Variants in POLR1C observed in about 807,000 individuals in gnomAD.
POLR1C encodes RNA polymerase I and III subunit C, also known as DNA-directed RNA polymerases I and III subunit RPAC1.
Under a neutral mutation model 38.3 loss-of-function variants are expected in POLR1C, and 42 were observed. That is an observed-to-expected ratio of 1.10 (90% CI 0.86 to 1.42). The LOEUF is 1.42. Ranked by LOEUF, POLR1C falls within the 40% of genes most tolerant of loss-of-function variation. The pLI, the probability that POLR1C is intolerant of heterozygous loss-of-function variation, is 0.00. For synonymous variants in POLR1C, 163 were observed against 163.9 expected, an observed-to-expected ratio of 0.99 and a Z score of 0.04; for missense variants, 507 against 450.5, an observed-to-expected ratio of 1.13 and a Z score of -1.14.
At chr6:43,546,061 A>C (rs1425671503) in intron 9 of POLR1C, among the ~76,000 whole-genome samples, 1 of 152,196 alleles carries the variant, frequency 6.6e-6, no homozygotes, top group African/African-American at 2.4e-5. Context: ...CAGCTTTGAG[A>C]ACCAAGGATC....
intron 9 of POLR1C, among the ~76,000 whole-genome samples, chr6:43,545,383 T>C (rs1402562866): frequency 6.6e-6 from 1 of 152,098 alleles, no homozygotes; most frequent in Non-Finnish European, 1.5e-5. Flanking sequence ...CAAAAAGTAC[T>C]GAAACAGAGC....
downstream of POLR1C, chr6:43,525,822 C>T: frequency 8.1e-6 from 13 of 1,613,654 alleles, no homozygotes; most frequent in Non-Finnish European, 1.1e-5. Flanking sequence ...AAGGTATCAC[C>T]TGCTCCTTCT....
At position 43,521,500 on chromosome 6, in the gene POLR1C, C is replaced by G; in HGVS notation, c.*200C>G. 3 of 1,353,562 alleles carry G rather than the reference C, an allele frequency of 2.2e-6. No homozygotes were observed. Among genetic ancestry groups the G allele is most frequent in the Non-Finnish European group, 2.9e-6 (3 of 1,049,150 alleles). The allele number at this position is 1,353,562 out of a possible 1,614,324, so 83.8% of individuals were successfully genotyped here. ...AAGGCCTTAGATGTAAATAAACTCA[C>G]CCAAACAAAAAAACTTTTTGAGACT... On this transcript the variant is annotated 3_prime_UTR_variant, in exon 9 of 9. Transcript: ENST00000642195.
chr6:43,531,172 A>G (rs1345419196), downstream of POLR1C, among the ~76,000 whole-genome samples: 1 of 152,218 alleles, frequency 6.6e-6, no homozygotes, highest in Admixed American at 6.5e-5. Flanking sequence ...GTATGCCGCA[A>G]GCAGTGTAGG....
At chr6:43,539,362 C>G in intron 9 of POLR1C, 1 of 1,580,672 alleles carries the variant, frequency 6.3e-7, no homozygotes, top group Admixed American at 1.7e-5. Context: ...CACGGGTCTG[C>G]TTCTGCACTG....
At chr6:43,539,313 C>T (rs1432994922) in intron 9 of POLR1C, 30 of 1,565,506 alleles carry the variant, frequency 1.9e-5, no homozygotes, top group East Asian at 2.2e-5. Context: ...CTGTAGTCCC[C>T]GATAGCAACA....
At chr6:43,518,419 G>A (rs955240746) in intron 2 of POLR1C, among the ~76,000 whole-genome samples, 1 of 152,180 alleles carries the variant, frequency 6.6e-6, no homozygotes, top group Non-Finnish European at 1.5e-5. Context: ...ATGGGTCTGG[G>A]GAACGGGAAT....
intron 2 of POLR1C, 136 bp downstream of exon 2, chr6:43,517,513 C>T (rs1403361875): frequency 6.8e-6 from 5 of 739,034 alleles, no homozygotes; most frequent in South Asian, 1.5e-5. Flanking sequence ...CTAGACGCTC[C>T]GTTTACAGGC....
chr6:43,525,753 C>A, downstream of POLR1C: 1 of 1,408,454 alleles, frequency 7.1e-7, no homozygotes, highest in Non-Finnish European at 9.6e-7. Context: ...ACAAAAAACT[C>A]TTGATAGCAC....
chr6:43,527,188 C>G (rs997559470), intron 8 of POLR1C: 3 of 209,658 alleles, frequency 1.4e-5, no homozygotes, highest in Non-Finnish European at 2.9e-5. Flanking sequence ...ATTCAGCTTG[C>G]AATTCATAAA....
chr6:43,529,263 C>T, exon 9 of POLR1C: 1 of 1,363,400 alleles, frequency 7.3e-7, no homozygotes. Flanking sequence ...GAAAGATTTG[C>T]TGGCTGCGGT....
intron 9 of POLR1C, among the ~76,000 whole-genome samples, chr6:43,536,894 G>T (rs920203485): frequency 6.6e-6 from 1 of 151,246 alleles, no homozygotes; most frequent in East Asian, 1.9e-4. Flanking sequence ...CAGACAATAT[G>T]GTGTCTGTCC....
chr6:43,522,380 G>C (rs1793240706), downstream of POLR1C: 1 of 160,332 alleles, frequency 6.2e-6, no homozygotes, highest in South Asian at 1.6e-4. Flanking sequence ...ATGTGCTTTA[G>C]AGTTAATGTT....
At chr6:43,553,559 A>G (rs1286551329) in intron 10 of POLR1C, 2 of 1,517,950 alleles carry the variant, frequency 1.3e-6, no homozygotes, top group Non-Finnish European at 1.8e-6. Flanking sequence ...AATTATCAGC[A>G]TTGAAAGATC....
intron 9 of POLR1C, chr6:43,549,354 A>G (rs1795118973): frequency 1.2e-6 from 1 of 828,776 alleles, no homozygotes; most frequent in Non-Finnish European, 1.8e-6. Context: ...GTGAGCCACC[A>G]TGCCCGGCCA....
intron 10 of POLR1C, among the ~76,000 whole-genome samples, chr6:43,552,412 G>T (rs964632195): frequency 2.0e-5 from 3 of 151,756 alleles, no homozygotes; most frequent in Non-Finnish European, 4.4e-5. Flanking sequence ...GAGTGCACTG[G>T]CGTGATTTTG....
intron 10 of POLR1C, chr6:43,559,185 T>G (rs1762272531): frequency 6.6e-6 from 1 of 152,494 alleles, no homozygotes; most frequent in African/African-American, 2.4e-5. Flanking sequence ...TAGTCCCAGC[T>G]ACTTGGGAGG....
At chr6:43,537,126 G>T (rs1435736247) in intron 9 of POLR1C, among the ~76,000 whole-genome samples, 1 of 147,666 alleles carries the variant, frequency 6.8e-6, no homozygotes, top group South Asian at 2.1e-4. Flanking sequence ...ACCACCACAC[G>T]TGAATAATTA....
At position 43,520,202 on chromosome 6, in the gene POLR1C, T is replaced by C. The variant is rs755099052; in HGVS notation, c.502+17T>C. The stretch of plus-strand genomic sequence containing the variant: ...ACCACAAAGGTGAGTAGTGGTAGGG[T>C]GAGGAAGAGGCCCCACCTGTGGGTA... On this transcript the variant is annotated intron_variant, in intron 5 of 8. Transcript: ENST00000642195. The C allele has an allele frequency of 2.5e-6, 4 of 1,614,052 alleles. No homozygotes were observed. The highest frequency in any genetic ancestry group is 1.6e-4 in the Middle Eastern group (1 of 6,062).
Sources: allele counts gnomAD v4.1 joint callset (sites outside exome capture counted in the v4.1 genomes callset), GRCh38; gene constraint gnomAD v4.1.1; transcripts MANE v1.5; gene names NCBI Gene and HGNC (gene_info 2026-07-23, HGNC 2026-07-21).